Variants in SNTG1 observed in about 807,000 individuals in gnomAD.
SNTG1 encodes the protein gamma-1-syntrophin.
In SNTG1, 39 loss-of-function variants were observed where a neutral mutation model predicts 74.7. The ratio of observed to expected loss-of-function variants is 0.52; its 90% CI spans 0.40 to 0.68. SNTG1 has a LOEUF of 0.68. Ranked by LOEUF, SNTG1 falls within the 30% of genes least tolerant of loss-of-function variation. SNTG1 has a pLI of 0.00. For synonymous variants in SNTG1, 254 were observed against 217.1 expected (o/e 1.17, Z -1.49); for missense variants, 685 against 609.5 (o/e 1.12, Z -1.30).
chr8:50,193,781 C>T (rs1318418053), intron 2 of SNTG1, among the ~76,000 whole-genome samples: 2 of 152,064 alleles, frequency 1.3e-5, no homozygotes, highest in African/African-American at 2.4e-5. Context: ...AACATTTCCC[C>T]ATTCAGTATT....
At chr8:50,035,687 A>G (rs1488792744) in intron 1 of SNTG1, among the ~76,000 whole-genome samples, 1 of 152,152 alleles carries the variant, frequency 6.6e-6, no homozygotes, top group East Asian at 1.9e-4. Context: ...AGACTCCCCA[A>G]AACTCCCAGC....
At chr8:50,410,383 AT>A (rs1563348767) in intron 4 of SNTG1, among the ~76,000 whole-genome samples, 1 of 152,094 alleles carries the variant, frequency 6.6e-6, no homozygotes, top group Non-Finnish European at 1.5e-5. Context: ...CGTTGTCTAT[AT>A]TTTTTAAACT....
chr8:50,541,940 T>A (rs2094350279), intron 11 of SNTG1, among the ~76,000 whole-genome samples: 2 of 151,822 alleles, frequency 1.3e-5, no homozygotes, highest in South Asian at 4.1e-4. Context: ...TGTGCCTGGA[T>A]TATTTCACTC....
chr8:50,261,247 G>A (rs2087177607), intron 2 of SNTG1, among the ~76,000 whole-genome samples: 1 of 152,070 alleles, frequency 6.6e-6, no homozygotes, highest in African/African-American at 2.4e-5. Context: ...AGAAAATCAA[G>A]TAAAATATTT....
chr8:50,089,160 A>C (rs1823219685), intron 1 of SNTG1, among the ~76,000 whole-genome samples: 1 of 151,926 alleles, frequency 6.6e-6, no homozygotes, highest in Admixed American at 6.6e-5. Context: ...TGGGGAAAGG[A>C]TTCCCTATTT....
chr8:50,699,289 C>T (rs1238478659), intron 15 of SNTG1, among the ~76,000 whole-genome samples: 1 of 151,996 alleles, frequency 6.6e-6, no homozygotes, highest in African/African-American at 2.4e-5. Flanking sequence ...AGCAGAAAAG[C>T]TACATTTTAC....
rs556472361 is a variant in SNTG1 at position 50,494,008 on chromosome 8, T to A, written c.364-8770T>A. Among the ~76,000 whole-genome samples the A allele has an allele frequency of 5.9e-5, 9 of 151,852 alleles. No individual in the cohort carries two copies. The South Asian group carries it at 1.0e-3, about 18-fold the overall frequency. ...TTGCGGGGGATATGCCAGGGAATTT[T>A]TTTTTCTATTCCTACTTTTCTTAGA... On this transcript the variant is annotated intron_variant, in intron 8 of 18. Coordinates refer to ENST00000642720, the MANE Select transcript of SNTG1 (RefSeq NM_018967.5).
At position 50,487,696 on chromosome 8, in the gene SNTG1, AG is replaced by A. The variant is rs10684146; in HGVS notation, c.364-15074del. Among the ~76,000 whole-genome samples, 3 of 140,602 alleles carry A rather than the reference AG, an allele frequency of 2.1e-5. No individual in the cohort carries two copies. In the South Asian group the frequency reaches 7.1e-4, roughly 33 times the overall value. 92.2% of individuals were successfully genotyped at this position (140,602 alleles called of 152,430 possible). A position where few individuals can be genotyped will look rare whatever the true frequency, so the allele number is the denominator to read the frequency against. ...ACTCTGGGGACTGTTGTGGGGTCGGAGGGGGGGGAGGGATAGCACTGGGAGA... is the reference window on the plus strand; with the variant it reads ...ACTCTGGGGACTGTTGTGGGGTCGGAGGGGGGGAGGGATAGCACTGGGAGA... On this transcript the variant is annotated intron_variant, in intron 8 of 18. Transcript: ENST00000642720.
At chr8:50,010,651 C>G (rs77616870) in intron 1 of SNTG1, among the ~76,000 whole-genome samples, 5,666 of 151,984 alleles carry the variant, frequency 0.037, 142 homozygotes, top group Middle Eastern at 0.071. Context: ...TTGATAAACT[C>G]TCTTAAATGG....
intron 2 of SNTG1, among the ~76,000 whole-genome samples, chr8:50,274,719 A>G (rs1210477549): frequency 6.6e-6 from 1 of 152,084 alleles, no homozygotes; most frequent in Non-Finnish European, 1.5e-5. Flanking sequence ...TAAATTGAAG[A>G]AATCTCTCTA....
At chr8:50,120,631 C>A (rs1209912144) in intron 1 of SNTG1, among the ~76,000 whole-genome samples, 1 of 141,864 alleles carries the variant, frequency 7.0e-6, no homozygotes, top group African/African-American at 2.6e-5. Context: ...ACTACCATCA[C>A]CTCTGTCACT....
chr8:50,471,338 TATAGTC>T (rs1383033199), intron 8 of SNTG1, among the ~76,000 whole-genome samples: 1 of 152,148 alleles, frequency 6.6e-6, no homozygotes, highest in Non-Finnish European at 1.5e-5. Flanking sequence ...GCGATATACT[TATAGTC>T]TATGTAAATT....
chr8:50,751,387 A>C (rs148933154), intron 17 of SNTG1, among the ~76,000 whole-genome samples: 29 of 152,056 alleles, frequency 1.9e-4, no homozygotes, highest in Non-Finnish European at 3.4e-4. Context: ...CTTATTGCCA[A>C]TTTCACCTTT....
rs1291542916 is a variant in SNTG1, at chr8:50,489,210, AGT to A, written c.364-13564_364-13563del. ...CATTTGGGTTGGCTCTGTCTTTGCTAGTGTGAACAGTGCTGCAATAAACATAC... is the reference window on the plus strand; with the variant it reads ...CATTTGGGTTGGCTCTGTCTTTGCTAGTGAACAGTGCTGCAATAAACATAC... On this transcript the variant is annotated intron_variant, in intron 8 of 18. Coordinates refer to ENST00000642720, the MANE Select transcript of SNTG1 (RefSeq NM_018967.5). 2.8e-4 allele frequency among the ~76,000 whole-genome samples: 42 copies of A among 152,340 alleles called. 2 individuals carry two copies. The highest frequency in any genetic ancestry group is 2.0e-4 in the Admixed American group (3 of 15,300).
At chr8:50,295,972 G>A (rs1215720892) in intron 2 of SNTG1, among the ~76,000 whole-genome samples, 1 of 152,162 alleles carries the variant, frequency 6.6e-6, no homozygotes, top group Non-Finnish European at 1.5e-5. Flanking sequence ...GCATTTGAGT[G>A]TGTGCATAGC....
intron 1 of SNTG1, among the ~76,000 whole-genome samples, chr8:50,050,418 A>G (rs1819468669): frequency 6.6e-6 from 1 of 151,984 alleles, no homozygotes; most frequent in Non-Finnish European, 1.5e-5. Context: ...AGAGAACCTG[A>G]ATAGGTTCTA....
intron 18 of SNTG1, among the ~76,000 whole-genome samples, chr8:50,777,897 C>T (rs1416858739): frequency 6.6e-6 from 1 of 152,038 alleles, no homozygotes; most frequent in Non-Finnish European, 1.5e-5. Context: ...GTTCCCCTTC[C>T]TGTGTCCATG....
intron 13 of SNTG1, among the ~76,000 whole-genome samples, chr8:50,636,716 A>G (rs1172878850): frequency 6.6e-6 from 1 of 152,072 alleles, no homozygotes; most frequent in Non-Finnish European, 1.5e-5. Flanking sequence ...CAGCAGCGTG[A>G]TGTTAAAATC....
At chr8:49,925,448 GTC>G (rs1806939328) in intron 1 of SNTG1, among the ~76,000 whole-genome samples, 1 of 150,210 alleles carries the variant, frequency 6.7e-6, no homozygotes, top group Non-Finnish European at 1.5e-5. Context: ...GTGTGTATCT[GTC>G]TGTCTGTCTG....
Sources: allele counts gnomAD v4.1 joint callset (sites outside exome capture counted in the v4.1 genomes callset), GRCh38; gene constraint gnomAD v4.1.1; transcripts MANE v1.5; gene names NCBI Gene and HGNC (gene_info 2026-07-23, HGNC 2026-07-21).